The following FAF1 variants were observed in gnomAD, a reference collection of about 807,000 sequenced individuals.
The protein encoded by FAF1 is Fas associated factor 1, also known as FAS-associated factor 1.
FAF1 carries 25 observed loss-of-function variants against 92.5 expected under a neutral mutation model. The ratio of observed to expected loss-of-function variants is 0.27; its 90% CI spans 0.20 to 0.38. The LOEUF is 0.38. Among genes scored for constraint, FAF1 ranks in the 10% least tolerant of loss-of-function variants. FAF1 has a pLI of 1.00. For missense variants in FAF1, 636 were observed against 793.3 expected (o/e 0.80, Z 2.38); for synonymous variants, 234 against 273.2 (o/e 0.86, Z 1.42).
At chr1:50,449,489 CTTTTT>C (rs373425527) in intron 18 of FAF1, among the ~76,000 whole-genome samples, 1 of 124,612 alleles carries the variant, frequency 8.0e-6, no homozygotes, top group Non-Finnish European at 1.7e-5. Context: ...CTTTTTCTTT[CTTTTT>C]TTTTTTTTTT....
intron 1 of FAF1, among the ~76,000 whole-genome samples, chr1:50,924,114 A>C (rs1211261591): frequency 6.6e-6 from 1 of 152,210 alleles, no homozygotes; most frequent in Non-Finnish European, 1.5e-5. Context: ...ATTGCAAAGG[A>C]AGAGGTCAAA....
chr1:50,925,859 G>A (rs1482591226), intron 1 of FAF1, among the ~76,000 whole-genome samples: 1 of 152,114 alleles, frequency 6.6e-6, no homozygotes, highest in Non-Finnish European at 1.5e-5. Flanking sequence ...CCATCAACAG[G>A]CAAATGGATA....
chr1:50,779,285 G>A (rs966056523), intron 4 of FAF1, among the ~76,000 whole-genome samples: 1 of 152,136 alleles, frequency 6.6e-6, no homozygotes, highest in South Asian at 2.1e-4. Flanking sequence ...TATTAATGTT[G>A]ATATCTTGAC....
At chr1:50,627,334 G>C (rs1381429674) in intron 8 of FAF1, among the ~76,000 whole-genome samples, 1 of 152,090 alleles carries the variant, frequency 6.6e-6, no homozygotes, top group African/African-American at 2.4e-5. Context: ...GGAGAAACTA[G>C]GAGCCAAATG....
At chr1:50,535,988 G>C (rs1005335623) in intron 14 of FAF1, among the ~76,000 whole-genome samples, 2 of 152,164 alleles carry the variant, frequency 1.3e-5, no homozygotes, top group African/African-American at 4.8e-5. Context: ...TCTGAAACCA[G>C]AAGAGGCTGA....
At chr1:50,910,050 G>A (rs1409077138) in intron 1 of FAF1, among the ~76,000 whole-genome samples, 2 of 152,218 alleles carry the variant, frequency 1.3e-5, no homozygotes, top group Admixed American at 6.5e-5. Flanking sequence ...TTGACGTACA[G>A]ACGGGGTTTT....
intron 1 of FAF1, among the ~76,000 whole-genome samples, chr1:50,910,359 T>G (rs1644874830): frequency 6.6e-6 from 1 of 152,166 alleles, no homozygotes; most frequent in Non-Finnish European, 1.5e-5. Context: ...CAGTCTGTCA[T>G]CCATTCTCAG....
chr1:50,691,644 T>G (rs572871252), intron 7 of FAF1, among the ~76,000 whole-genome samples: 4 of 151,970 alleles, frequency 2.6e-5, no homozygotes, highest in African/African-American at 4.8e-5. Flanking sequence ...CAGGCTGGAG[T>G]GCAATGGCGC....
At chr1:50,796,903 GA>G (rs1161252048) in intron 3 of FAF1, among the ~76,000 whole-genome samples, 1 of 152,184 alleles carries the variant, frequency 6.6e-6, no homozygotes, top group Admixed American at 6.6e-5. Flanking sequence ...GCCGAGGCAG[GA>G]GGATCACTTG....
intron 15 of FAF1, among the ~76,000 whole-genome samples, chr1:50,518,312 G>C (rs1223792433): frequency 6.6e-6 from 1 of 152,136 alleles, no homozygotes; most frequent in Non-Finnish European, 1.5e-5. Context: ...TTTTATTTCT[G>C]AGCAGTATGC....
At chr1:50,580,029 A>G (rs1278806589) in intron 12 of FAF1, among the ~76,000 whole-genome samples, 1 of 152,180 alleles carries the variant, frequency 6.6e-6, no homozygotes, top group Non-Finnish European at 1.5e-5. Context: ...TTTTAGGGGT[A>G]AAGTATGACA....
intron 8 of FAF1, among the ~76,000 whole-genome samples, chr1:50,597,150 G>A (rs1239613878): frequency 6.6e-6 from 1 of 152,146 alleles, no homozygotes; most frequent in Admixed American, 6.5e-5. Flanking sequence ...CACAGTTGGT[G>A]GCTCAACAAA....
chr1:50,921,068 C>T (rs535396173), intron 1 of FAF1, among the ~76,000 whole-genome samples: 43 of 152,308 alleles, frequency 2.8e-4, no homozygotes, highest in African/African-American at 1.0e-3. Flanking sequence ...TAAATGTATA[C>T]AGTAACAAAA....
Position 50,959,934 on chromosome 1 carries a change from G to C in FAF1, c.-123C>G. The C allele has an allele frequency of 2.0e-6, 1 of 506,724 alleles. No homozygotes were observed. The highest frequency in any genetic ancestry group is 2.8e-6 in the Non-Finnish European group (1 of 355,910). 31.4% of individuals were successfully genotyped at this position (506,724 alleles called of 1,614,324 possible). On this transcript the variant is annotated 5_prime_UTR_variant, in exon 1 of 19. Coordinates refer to ENST00000396153, the MANE Select transcript of FAF1 (RefSeq NM_007051.3). The stretch of plus-strand genomic sequence containing the variant: ...CGGGCGCCGAGGGGCTGGCGGGCGA[G>C]CCGGCGGGCGGGTCGGCGGGCCAGC...
intron 15 of FAF1, among the ~76,000 whole-genome samples, chr1:50,530,128 C>T (rs924235989): frequency 1.5e-4 from 23 of 151,740 alleles, no homozygotes; most frequent in East Asian, 9.7e-4. Context: ...TTAAAAATAT[C>T]GTATTTTTGG....
At chr1:50,931,372 C>T (rs1401299188) in intron 1 of FAF1, among the ~76,000 whole-genome samples, 1 of 152,126 alleles carries the variant, frequency 6.6e-6, no homozygotes, top group Non-Finnish European at 1.5e-5. Flanking sequence ...TTTCACGCTG[C>T]TGATAAAGAC....
At chr1:50,742,168 T>A (rs932388844) in intron 5 of FAF1, among the ~76,000 whole-genome samples, 45 of 146,876 alleles carry the variant, frequency 3.1e-4, no homozygotes, top group African/African-American at 1.1e-3. Context: ...AAAAAAAAAA[T>A]TAGCCAGGCG....
At chr1:50,820,015 T>C (rs1316057619) in intron 2 of FAF1, among the ~76,000 whole-genome samples, 2 of 151,746 alleles carry the variant, frequency 1.3e-5, no homozygotes, top group South Asian at 2.1e-4. Context: ...GCAATCCATA[T>C]GTCGTTTGTA....
At chr1:50,482,584 A>G (rs1205549120) in intron 17 of FAF1, among the ~76,000 whole-genome samples, 1 of 152,216 alleles carries the variant, frequency 6.6e-6, no homozygotes, top group Non-Finnish European at 1.5e-5. Flanking sequence ...GTTTCAAGCT[A>G]ATTTCCAAAG....
Sources: gnomAD v4.1 joint callset for allele counts (sites outside exome capture counted in the v4.1 genomes callset) on GRCh38, gnomAD v4.1.1 for gene constraint, MANE v1.5 for transcripts, NCBI Gene and HGNC (gene_info 2026-07-23, HGNC 2026-07-21) for gene names.